ANKS1A: variants seen among roughly 807,000 people sequenced by gnomAD.
ANKS1A encodes ankyrin repeat and SAM domain-containing protein 1A.
Under a neutral mutation model 120.3 loss-of-function variants are expected in ANKS1A, and 55 were observed. The observed-to-expected ratio is 0.46, with a 90% CI of 0.37 to 0.57. The LOEUF (loss-of-function observed/expected upper bound fraction) is 0.57, where lower values mean the gene tolerates loss of function less well. Among genes scored for constraint, ANKS1A ranks in the 20% least tolerant of loss-of-function variants. The pLI, the probability that ANKS1A is intolerant of heterozygous loss-of-function variation, is 0.00. For synonymous variants in ANKS1A, 590 were observed against 604.7 expected, an observed-to-expected ratio of 0.98 and a Z score of 0.36; for missense variants, 1,123 against 1,480.3, an observed-to-expected ratio of 0.76 and a Z score of 3.96.
At chr6:34,941,070 C>A (rs1769505796) in intron 1 of ANKS1A, among the ~76,000 whole-genome samples, 1 of 152,150 alleles carries the variant, frequency 6.6e-6, no homozygotes. Flanking sequence ...CTCACTGCAA[C>A]TCCACCTCCC....
intron 1 of ANKS1A, among the ~76,000 whole-genome samples, chr6:34,955,428 C>T (rs373934153): frequency 5.9e-5 from 9 of 152,218 alleles, no homozygotes; most frequent in South Asian, 2.1e-4. Flanking sequence ...TGAGCCACCA[C>T]GCCTGGCCAT....
At position 34,938,692 on chromosome 6, in the gene ANKS1A, A is replaced by G. The variant is rs1015407600; in HGVS notation, c.198-28547A>G. Among the ~76,000 whole-genome samples the G allele has an allele frequency of 4.1e-5, 6 of 145,650 alleles. No homozygotes were observed. In the East Asian group the frequency reaches 1.2e-3, roughly 30 times the overall value. Reference sequence around the variant, plus strand: ...CTCTCTGAGTTTGAAAGAGTCTTATAAAACAAGTATTTCTGGGCCGGGCAT... The same window carrying G: ...CTCTCTGAGTTTGAAAGAGTCTTATGAAACAAGTATTTCTGGGCCGGGCAT... On this transcript the variant is annotated intron_variant, in intron 1 of 23. Coordinates refer to ENST00000360359, the MANE Select transcript of ANKS1A (RefSeq NM_015245.3).
In ANKS1A at chr6:35,057,705, C is replaced by A. The variant is rs1776285013; in HGVS notation, c.2078-2442C>A. On this transcript the variant is annotated intron_variant, in intron 12 of 23. Transcript: ENST00000360359. The surrounding 1 kb of genome is among the most constrained non-coding windows in gnomAD (Gnocchi z 4.1). ...GGCACTTCCCCTGGGCTCTAACAGG[C>A]CCCAAGAGAAGTCCGTCCCCAATTT... Among the ~76,000 whole-genome samples, 1 of 152,210 alleles carries A rather than the reference C, an allele frequency of 6.6e-6. No homozygotes were observed. Among genetic ancestry groups the A allele is most frequent in the Non-Finnish European group, 1.5e-5 (1 of 68,044 alleles).
intron 11 of ANKS1A, among the ~76,000 whole-genome samples, chr6:35,032,418 T>C (rs1581675552): frequency 6.6e-6 from 1 of 152,212 alleles, no homozygotes; most frequent in African/African-American, 2.4e-5. Flanking sequence ...TGCTCTTGTT[T>C]GTGTGTGTGG....
chr6:34,912,419 T>C (rs1767949133), intron 1 of ANKS1A, among the ~76,000 whole-genome samples: 1 of 152,160 alleles, frequency 6.6e-6, no homozygotes, highest in African/African-American at 2.4e-5. Context: ...GGTCCTCGGC[T>C]CTATTCTCTC....
chr6:34,928,950 T>C (rs987291559), intron 1 of ANKS1A, among the ~76,000 whole-genome samples: 2 of 152,256 alleles, frequency 1.3e-5, no homozygotes, highest in Admixed American at 6.5e-5. Flanking sequence ...TGCCCACTTA[T>C]ACTAGCTATG....
downstream of ANKS1A, among the ~76,000 whole-genome samples, chr6:35,095,130 G>C (rs1247224243): frequency 4.5e-5 from 5 of 110,106 alleles, no homozygotes; most frequent in Admixed American, 1.2e-4. Flanking sequence ...AACAGAGTGA[G>C]ACCCCCATCT....
At position 34,985,281 on chromosome 6, in the gene ANKS1A, A is replaced by T. The variant is rs1772134537; in HGVS notation, c.1209+3A>T. 2 of 1,612,642 alleles carry T rather than the reference A, an allele frequency of 1.2e-6. No homozygotes were observed. The highest frequency in any genetic ancestry group is 1.3e-5 in the African/African-American group (1 of 74,896). ...TGAAACCTGCTGGAGTGAGGCCTGT[A>T]TGTGACCCGGGGCTTACACCTCCTG... On this transcript the variant is annotated splice_donor_region_variant and intron_variant, in intron 8 of 23. Coordinates refer to ENST00000360359, the MANE Select transcript of ANKS1A (RefSeq NM_015245.3).
chr6:34,962,322 C>T (rs1011009176), intron 1 of ANKS1A, among the ~76,000 whole-genome samples: 13 of 152,148 alleles, frequency 8.5e-5, no homozygotes, highest in Admixed American at 7.9e-4. Flanking sequence ...GCCTAGATAT[C>T]GAAATACATG....
chr6:35,054,126 G>A lies in ANKS1A; in HGVS notation c.2038G>A (p.Glu680Lys). The A allele has an allele frequency of 6.2e-7, 1 of 1,614,074 alleles. No homozygotes were observed. Among genetic ancestry groups the A allele is most frequent in the Non-Finnish European group, 8.5e-7 (1 of 1,179,908 alleles). Residue 680 changes from glutamate to lysine, a missense_variant, in exon 12 of 24, where the codon GAA becomes AAA. Physicochemically the swap from Glu to Lys is moderately conservative, Grantham distance 56. Around this residue, in one of 3 missense-constraint regions of ANKS1A, gnomAD observed 904 missense variants for 1,130.4 expected, o/e 0.80. Coordinates refer to ENST00000360359, the MANE Select transcript of ANKS1A (RefSeq NM_015245.3). ...EIEKIMSSIGEGIDFSQERQK... is the reference protein window; with the variant it reads ...EIEKIMSSIGKGIDFSQERQK... ...TGAGAAAATCATGAGTTCTATTGGAGAAGGGATTGACTTTTCTCAGGAACG... is the reference window on the plus strand; with the variant it reads ...TGAGAAAATCATGAGTTCTATTGGAAAAGGGATTGACTTTTCTCAGGAACG...
intron 11 of ANKS1A, among the ~76,000 whole-genome samples, chr6:35,030,164 A>G (rs868038537): frequency 2.0e-5 from 3 of 152,334 alleles, no homozygotes; most frequent in Middle Eastern, 3.4e-3. Context: ...TTCAGCATTA[A>G]TTAGCAGTTA....
chr6:35,016,779 A>AGAG (rs11436576), intron 10 of ANKS1A, among the ~76,000 whole-genome samples: 3 of 133,956 alleles, frequency 2.2e-5, no homozygotes, highest in African/African-American at 5.2e-5. Context: ...AAAAAAAAAA[A>AGAG]AAAGAGAGAG....
intron 1 of ANKS1A, among the ~76,000 whole-genome samples, chr6:34,904,226 T>C (rs1281413084): frequency 5.3e-5 from 8 of 152,186 alleles, no homozygotes; most frequent in Non-Finnish European, 1.0e-4. Context: ...ACAGTATAAA[T>C]GCTATGTAAA....
At chr6:34,980,759 TTGTC>T (rs1771862614) in intron 3 of ANKS1A, among the ~76,000 whole-genome samples, 1 of 152,194 alleles carries the variant, frequency 6.6e-6, no homozygotes, top group South Asian at 2.1e-4. Context: ...TAATTAGACA[TTGTC>T]AGTAGTAAAA....
rs1581710535 is a variant in ANKS1A at position 35,057,110 on chromosome 6, T to C, written c.2077+2945T>C. Among the ~76,000 whole-genome samples the C allele has an allele frequency of 6.6e-6, 1 of 151,860 alleles. No homozygotes were observed. The highest frequency in any genetic ancestry group is 2.1e-4 in the South Asian group (1 of 4,812). On this transcript the variant is annotated intron_variant, in intron 12 of 23. Coordinates refer to ENST00000360359, the MANE Select transcript of ANKS1A (RefSeq NM_015245.3). This position sits in a 1 kb window ranked among gnomAD's most constrained non-coding sequence, Gnocchi z 4.1. ...GTGTGGGATTGCCCAGCACCACTGGTTTTGCAGAGGCGCCCGCACCCCCCA... is the reference window on the plus strand; with the variant it reads ...GTGTGGGATTGCCCAGCACCACTGGCTTTGCAGAGGCGCCCGCACCCCCCA...
At chr6:34,957,821 A>C (rs1174527540) in intron 1 of ANKS1A, among the ~76,000 whole-genome samples, 1 of 152,206 alleles carries the variant, frequency 6.6e-6, no homozygotes, top group African/African-American at 2.4e-5. Context: ...AGGAACATGC[A>C]CTAGAGTCAG....
intron 9 of ANKS1A, among the ~76,000 whole-genome samples, chr6:34,991,721 T>C (rs1470240861): frequency 1.2e-5 from 1 of 86,274 alleles, no homozygotes; most frequent in Non-Finnish European, 2.4e-5. Flanking sequence ...CACATATATA[T>C]ACATATATAC....
intron 1 of ANKS1A, among the ~76,000 whole-genome samples, chr6:34,932,848 A>G (rs1769057704): frequency 6.6e-6 from 1 of 152,058 alleles, no homozygotes; most frequent in Non-Finnish European, 1.5e-5. Flanking sequence ...CTATGCTTTC[A>G]TTTCTCTTGG....
intron 10 of ANKS1A, among the ~76,000 whole-genome samples, chr6:34,995,368 G>GT (rs139064243): frequency 0.11 from 17,219 of 150,660 alleles, 1,187 homozygotes; most frequent in East Asian, 0.35. Context: ...TTTTCATAGT[G>GT]TTTTTTTTTG....
Sources: gnomAD v4.1 joint callset for allele counts (sites outside exome capture counted in the v4.1 genomes callset) on GRCh38, gnomAD v4.1.1 for gene constraint, gnomAD v4.1.1 regional missense constraint, Gnocchi (gnomAD v3.1) non-coding constraint, MANE v1.5 for transcripts, NCBI Gene and HGNC (gene_info 2026-07-23, HGNC 2026-07-21) for gene names.